Variants in PAGR1 observed in about 807,000 individuals in gnomAD.
PAGR1 encodes PAXIP1 associated glutamate rich protein 1.
PAGR1 carries 20 observed loss-of-function variants against 22.4 expected under a neutral mutation model. The observed-to-expected ratio is 0.89, with a 90% CI of 0.63 to 1.30. PAGR1 has a LOEUF of 1.30. PAGR1 is among the 50% of genes most tolerant of loss of function. The pLI is 0.00. For missense variants in PAGR1, 338 were observed against 343.6 expected (o/e 0.98, Z 0.13); for synonymous variants, 161 against 148.3 (o/e 1.09, Z -0.62).
chr16:29,817,975 G>C (rs1051866538), intron 2 of PAGR1: 1 of 152,054 alleles, frequency 6.6e-6, no homozygotes, highest in Non-Finnish European at 1.5e-5. Flanking sequence ...CACAATTACA[G>C]ATAATTCTTT....
Position 29,820,733 on chromosome 16 carries a change from A to G in PAGR1, c.*979A>G, listed in dbSNP as rs543700012. 7 of 152,342 alleles carry G rather than the reference A, an allele frequency of 4.6e-5. No individual in the cohort carries two copies. The South Asian group carries it at 1.4e-3, about 32-fold the overall frequency. The allele number at this position is 152,342 out of a possible 1,614,324, so 9.4% of individuals were successfully genotyped here. A position where few individuals can be genotyped will look rare whatever the true frequency, so the allele number is the denominator to read the frequency against. ...CTTCTGGGTTTTGAAGTAAAGGCAG[A>G]TTAACACCAACACCGGTCCCCCACC... On this transcript the variant is annotated 3_prime_UTR_variant, in exon 3 of 3. Transcript: ENST00000320330.
rs1455500749 is a variant in PAGR1 at position 29,816,496 on chromosome 16, G to A, written c.-30G>A. On this transcript the variant is annotated 5_prime_UTR_variant, in exon 1 of 3. Coordinates refer to ENST00000320330, the MANE Select transcript of PAGR1 (RefSeq NM_024516.4). ...ACCCTGGCTTCGGACTCCAGTATCT[G>A]TCGTCGCAGGGTCCCTGCCCTAGTG... The A allele has an allele frequency of 2.0e-6, 3 of 1,469,252 alleles. No individual in the cohort carries two copies. Among genetic ancestry groups the A allele is most frequent in the African/African-American group, 2.8e-5 (2 of 71,018 alleles). The allele number at this position is 1,469,252 out of a possible 1,614,324, so 91.0% of individuals were successfully genotyped here. A position where few individuals can be genotyped will look rare whatever the true frequency, so the allele number is the denominator to read the frequency against.
In PAGR1 at chr16:29,819,694, C is replaced by T. The variant is rs780895520; in HGVS notation, c.705C>T (p.Pro235=). 1.4e-4 allele frequency: 222 copies of T among 1,613,686 alleles called. No homozygotes were observed. The highest frequency in any genetic ancestry group is 1.7e-4 in the Non-Finnish European group (195 of 1,180,022). ...LFSLDSEDPS[P]ASPPLRSSGS... ...GCCTGGACTCGGAGGACCCCAGCCC[C>T]GCCAGCCCCCCACTCCGATCCTCCG... Residue 235 remains proline (P), a synonymous_variant, in exon 3 of 3, where the codon CCC becomes CCT. Transcript: ENST00000320330.
intron 2 of PAGR1, among the ~76,000 whole-genome samples, chr16:29,817,714 C>T (rs1038018921): frequency 1.3e-5 from 2 of 152,036 alleles, no homozygotes; most frequent in Admixed American, 6.6e-5. Context: ...CCTTGTGATC[C>T]GCCCACCTCA....
At position 29,822,255 on chromosome 16, in the gene PAGR1, G is replaced by C. The variant is rs1042853236; in HGVS notation, c.*2501G>C. Among the ~76,000 whole-genome samples, 2 of 151,680 alleles carry C rather than the reference G, an allele frequency of 1.3e-5. No individual in the cohort carries two copies. The highest frequency in any genetic ancestry group is 2.9e-5 in the Non-Finnish European group (2 of 67,934). ...TAATTGGCAGGAGTGGGAGGAGGGAGGACAAGTGGAAGTCTAGGCTGGCTG... is the reference window on the plus strand; with the variant it reads ...TAATTGGCAGGAGTGGGAGGAGGGACGACAAGTGGAAGTCTAGGCTGGCTG... On this transcript the variant is annotated 3_prime_UTR_variant, in exon 3 of 3. Coordinates refer to ENST00000320330, the MANE Select transcript of PAGR1 (RefSeq NM_024516.4).
intron 2 of PAGR1, among the ~76,000 whole-genome samples, chr16:29,817,763 C>T (rs1325768211): frequency 6.6e-6 from 1 of 152,024 alleles, no homozygotes; most frequent in African/African-American, 2.4e-5. Context: ...TGAGCCAATG[C>T]GCCTGGCCCC....
In PAGR1 at chr16:29,822,321, TA is replaced by T. The variant is rs58807414; in HGVS notation, c.*2580del. ...AAAAGTTCCTAAAACTGTGCTGCTT[TA>T]AAAAAAAAAAAAGTAATTTATGAGA... On this transcript the variant is annotated 3_prime_UTR_variant, in exon 3 of 3. Transcript: ENST00000320330. 0.044 allele frequency among the ~76,000 whole-genome samples: 6,281 copies of T among 143,108 alleles called. 354 individuals carry two copies. The highest frequency in any genetic ancestry group is 0.13 in the African/African-American group (5,264 of 39,690). 93.9% of individuals were successfully genotyped at this position (143,108 alleles called of 152,430 possible).
chr16:29,816,467 G>A lies in PAGR1; in HGVS notation c.-59G>A. The A allele has an allele frequency of 7.1e-7, 1 of 1,405,944 alleles. No homozygotes were observed. Among genetic ancestry groups the A allele is most frequent in the Non-Finnish European group, 9.3e-7 (1 of 1,075,452 alleles). The allele number at this position is 1,405,944 out of a possible 1,614,324, so 87.1% of individuals were successfully genotyped here. ...AACCCCCAGGGGAGCCCGATCCCTG[G>A]GGGACCCTGGCTTCGGACTCCAGTA... is the stretch of plus-strand genomic sequence containing the variant. On this transcript the variant is annotated 5_prime_UTR_variant, in exon 1 of 3. Coordinates refer to ENST00000320330, the MANE Select transcript of PAGR1 (RefSeq NM_024516.4).
rs1253450054 is a variant in PAGR1 at position 29,816,835 on chromosome 16, C to T, written c.310C>T (p.Pro104Ser). ...EEVELPADGQ[P>S]WMPPPSEIQR... ...GGTGGAGCTGCCTGCGGATGGGCAGCCCTGGATGCCCCCGCCCTCCGAAAT... is the reference window on the plus strand; with the variant it reads ...GGTGGAGCTGCCTGCGGATGGGCAGTCCTGGATGCCCCCGCCCTCCGAAAT... The change falls in exon 1 of 3, where the codon CCC becomes TCC. Residue 104 changes from proline to serine, a missense_variant. By Grantham distance (74) the Pro-to-Ser change is moderately conservative. Around this residue, in one of 3 missense-constraint regions of PAGR1, gnomAD observed 235 missense variants for 216.0 expected, o/e 1.09. Transcript: ENST00000320330. The T allele has an allele frequency of 6.4e-7, 1 of 1,560,614 alleles. No individual in the cohort carries two copies. The highest frequency in any genetic ancestry group is 2.4e-5 in the East Asian group (1 of 41,852).
chr16:29,817,048 C>G (rs1290927948), intron 1 of PAGR1, 41 bp downstream of exon 1: 2 of 1,554,136 alleles, frequency 1.3e-6, no homozygotes, highest in Non-Finnish European at 1.7e-6. Context: ...GGCTGCTCCC[C>G]TGATGGCGGG....
chr16:29,821,687 C>T lies in PAGR1; in HGVS notation c.*1933C>T, dbSNP rs777941165. On this transcript the variant is annotated 3_prime_UTR_variant, in exon 3 of 3. Coordinates refer to ENST00000320330, the MANE Select transcript of PAGR1 (RefSeq NM_024516.4). ...TACAGTTATAGCCAGGTTGGACTTCCGGCTCCGTCCTTTGATAACTGTGTG... is the reference window on the plus strand; with the variant it reads ...TACAGTTATAGCCAGGTTGGACTTCTGGCTCCGTCCTTTGATAACTGTGTG... 1.3e-5 allele frequency among the ~76,000 whole-genome samples: 2 copies of T among 152,192 alleles called. No homozygotes were observed. The highest frequency in any genetic ancestry group is 2.1e-4 in the South Asian group (1 of 4,832).
rs1161241788 is a variant in PAGR1, at chr16:29,820,089, A to G, written c.*335A>G. On this transcript the variant is annotated 3_prime_UTR_variant, in exon 3 of 3. Coordinates refer to ENST00000320330, the MANE Select transcript of PAGR1 (RefSeq NM_024516.4). ...GGACTGAATTTTCTGAGTCTGAAAT[A>G]AAAGATGCAGAGCTATCATCTCTTA... is the stretch of plus-strand genomic sequence containing the variant. 1 of 252,466 alleles carries G rather than the reference A, an allele frequency of 4.0e-6. No individual in the cohort carries two copies. The highest frequency in any genetic ancestry group is 2.2e-5 in the African/African-American group (1 of 44,898). 15.6% of individuals were successfully genotyped at this position (252,466 alleles called of 1,614,324 possible). A position where few individuals can be genotyped will look rare whatever the true frequency, so the allele number is the denominator to read the frequency against.
intron 2 of PAGR1, chr16:29,818,052 C>T (rs891051688): frequency 5.9e-5 from 9 of 152,224 alleles, no homozygotes; most frequent in African/African-American, 2.2e-4. Context: ...TTCCCATTCC[C>T]AGAAGTCCAA....
In PAGR1 at chr16:29,821,559, T is replaced by C. The variant is rs2067361535; in HGVS notation, c.*1805T>C. On this transcript the variant is annotated 3_prime_UTR_variant, in exon 3 of 3. Transcript: ENST00000320330. ...CACCTTTGAACTGCCATTAGCACCA[T>C]CTGGGCAGTACACAGCCCCACCCAG... 1.3e-5 allele frequency among the ~76,000 whole-genome samples: 2 copies of C among 152,150 alleles called. No homozygotes were observed. Among genetic ancestry groups the C allele is most frequent in the South Asian group, 4.1e-4 (2 of 4,826 alleles).
rs1362076599 is a variant in PAGR1 at position 29,820,247 on chromosome 16, G to T, written c.*493G>T. 6.5e-6 allele frequency: 1 copy of T among 152,884 alleles called. No homozygotes were observed. The highest frequency in any genetic ancestry group is 1.5e-5 in the Non-Finnish European group (1 of 68,498). The allele number at this position is 152,884 out of a possible 1,614,324, so 9.5% of individuals were successfully genotyped here. On this transcript the variant is annotated 3_prime_UTR_variant, in exon 3 of 3. Coordinates refer to ENST00000320330, the MANE Select transcript of PAGR1 (RefSeq NM_024516.4). ...CTCAGTTAGCACCTGTCCCATCTCG[G>T]GCCCTCCAACTCCTCCCAGTCCCAC...
At chr16:29,818,903 A>C (rs1002294244) in intron 2 of PAGR1, among the ~76,000 whole-genome samples, 6 of 152,050 alleles carry the variant, frequency 3.9e-5, no homozygotes, top group African/African-American at 1.4e-4. Flanking sequence ...AAATTTTCCA[A>C]GGGATTCCAT....
At position 29,817,202 on chromosome 16, in the gene PAGR1, T is replaced by C. The variant is rs1900269110; in HGVS notation, c.483-8T>C. On this transcript the variant is annotated splice_polypyrimidine_tract_variant and splice_region_variant and intron_variant, in intron 1 of 2. Transcript: ENST00000320330. ...GCCCTCACCCTTAACTATGTTCACCTGTCCCAGACCACACATGCCCACGGA... is the reference window on the plus strand; with the variant it reads ...GCCCTCACCCTTAACTATGTTCACCCGTCCCAGACCACACATGCCCACGGA... 1 of 1,613,972 alleles carries C rather than the reference T, an allele frequency of 6.2e-7. No individual in the cohort carries two copies. The highest frequency in any genetic ancestry group is 8.5e-7 in the Non-Finnish European group (1 of 1,179,994).
intron 2 of PAGR1, chr16:29,818,575 T>A (rs1390535921): frequency 6.6e-6 from 1 of 152,236 alleles, no homozygotes; most frequent in Non-Finnish European, 1.5e-5. Context: ...TCACTTTTTT[T>A]TTCTTTGAGA....
rs999532088 is a variant in PAGR1, at chr16:29,820,859, C to G, written c.*1105C>G. On this transcript the variant is annotated 3_prime_UTR_variant, in exon 3 of 3. Transcript: ENST00000320330. ...TTCAGACCCCATCTTAGCCCTAGAT[C>G]GGTGCTTGCTCTACTCACCTGCACT... is the stretch of plus-strand genomic sequence containing the variant. The G allele has an allele frequency of 1.3e-5, 2 of 152,240 alleles. No individual in the cohort carries two copies. The highest frequency in any genetic ancestry group is 1.9e-4 in the East Asian group (1 of 5,186). 9.4% of individuals were successfully genotyped at this position (152,240 alleles called of 1,614,324 possible).
Sources: allele counts gnomAD v4.1 joint callset (sites outside exome capture counted in the v4.1 genomes callset), GRCh38; gene constraint gnomAD v4.1.1; regional missense constraint gnomAD v4.1.1; transcripts MANE v1.5; gene names NCBI Gene and HGNC (gene_info 2026-07-23, HGNC 2026-07-21).